KRT25: variants seen among roughly 807,000 people sequenced by gnomAD.
KRT25 encodes the protein keratin 25.
A neutral mutation model predicts 47.6 loss-of-function variants in KRT25; 37 were observed. That is an observed-to-expected ratio of 0.78 (90% confidence interval 0.60 to 1.02). The LOEUF is 1.02. Among genes scored for constraint, KRT25 ranks in the 50% least tolerant of loss-of-function variants. KRT25 has a pLI of 0.00. For synonymous variants in KRT25, 203 were observed against 210.2 expected (o/e 0.97, Z 0.30); for missense variants, 542 against 550.3 (o/e 0.98, Z 0.15).
In KRT25 at chr17:40,753,909, T is replaced by C. The variant is rs1439221621; in HGVS notation, c.620A>G (p.Tyr207Cys). 2 of 1,614,050 alleles carry C rather than the reference T, an allele frequency of 1.2e-6. No individual in the cohort carries two copies. Among genetic ancestry groups the C allele is most frequent in the South Asian group, 1.1e-5 (1 of 91,070 alleles). ...TLCRTDLEIQYETLSEEMTYL... is the reference protein window; with the variant it reads ...TLCRTDLEIQCETLSEEMTYL... ...AGTCATCTCCTCACTCAGGGTTTCA[T>C]ACTGAATCTCCAGATCTGTTCTGCA... The change falls in exon 3 of 8, where the codon TAT becomes TGT. Residue 207 changes from tyrosine to cysteine, a missense_variant. Transcript: ENST00000312150.
At position 40,751,316 on chromosome 17, in the gene KRT25, A is replaced by T; in HGVS notation, c.680T>A (p.Val227Asp). Residue 227 changes from valine (V) to aspartate (D), a missense_variant, in exon 4 of 8, where the codon GTT (valine) becomes GAT (aspartate). Transcript: ENST00000312150. ...LKKNHKEEMQ[V>D]LQCAAGGNVN... The stretch of plus-strand genomic sequence containing the variant: ...GTTGCCTCCAGCTGCGCACTGCAGA[A>T]CTTGCATTTCCTAGAGGCAGAAAAG... The T allele has an allele frequency of 6.2e-7, 1 of 1,610,414 alleles. No homozygotes were observed. Among genetic ancestry groups the T allele is most frequent in the Non-Finnish European group, 8.5e-7 (1 of 1,178,510 alleles).
At chr17:40,751,707 C>T (rs2038049782) in intron 3 of KRT25, among the ~76,000 whole-genome samples, 1 of 152,146 alleles carries the variant, frequency 6.6e-6, no homozygotes, top group Non-Finnish European at 1.5e-5. Context: ...TTATTCTATT[C>T]TCGGCCTTTG....
chr17:40,749,138 C>T (rs1311417850), intron 7 of KRT25, 120 bp downstream of exon 7: 3 of 737,480 alleles, frequency 4.1e-6, no homozygotes, highest in Non-Finnish European at 2.3e-6. Flanking sequence ...ATAATATGCA[C>T]AACAAACCTC....
chr17:40,754,877 C>A lies in KRT25; in HGVS notation c.395G>T (p.Arg132Ile). The A allele has an allele frequency of 1.2e-6, 2 of 1,613,946 alleles. No individual in the cohort carries two copies. The highest frequency in any genetic ancestry group is 1.7e-6 in the Non-Finnish European group (2 of 1,179,946). Residue 132 changes from arginine to isoleucine, a missense_variant, in exon 1 of 8, where the codon AGA (arginine) becomes ATA (isoleucine). Arg to Ile is a moderately conservative substitution (Grantham distance 97). Transcript: ENST00000312150. Reference protein sequence around the residue: ...SCRGLDHDYSRYFPIIDDLKN... With the variant: ...SCRGLDHDYSIYFPIIDDLKN... ...AAGGTCATCAATTATTGGGAAATATCTGCTATAGTCATGATCAAGACCACG... is the reference window on the plus strand; with the variant it reads ...AAGGTCATCAATTATTGGGAAATATATGCTATAGTCATGATCAAGACCACG...
chr17:40,751,186 C>A lies in KRT25; in HGVS notation c.810G>T (p.Ala270=). The A allele has an allele frequency of 6.2e-7, 1 of 1,614,110 alleles. No individual in the cohort carries two copies. Among genetic ancestry groups the A allele is most frequent in the Non-Finnish European group, 8.5e-7 (1 of 1,179,986 alleles). The change falls in exon 4 of 8, where the codon GCG becomes GCT. Residue 270 remains alanine, a synonymous_variant. Transcript: ENST00000312150. ...TCACCTTCTCGTTGAACCAGGCCTCCGCGTCCCTGCGGTTCTGCTCTGCAA... is the reference window on the plus strand; with the variant it reads ...TCACCTTCTCGTTGAACCAGGCCTCAGCGTCCCTGCGGTTCTGCTCTGCAA... The part of the protein sequence containing the change: ...EALAEQNRRD[A]EAWFNEKSAS...
In KRT25 at chr17:40,750,602, C is replaced by G; in HGVS notation, c.958-5G>C. On this transcript the variant is annotated splice_region_variant and splice_polypyrimidine_tract_variant and intron_variant, in intron 5 of 7. Transcript: ENST00000312150. The stretch of plus-strand genomic sequence containing the variant: ...GGAGCACTCCAGGGAGTGTTTCTGT[C>G]AGGAAGCAATAAAGAGAACTTGAAA... The G allele has an allele frequency of 6.2e-7, 1 of 1,614,020 alleles. No homozygotes were observed. The highest frequency in any genetic ancestry group is 8.5e-7 in the Non-Finnish European group (1 of 1,179,906).
In KRT25 at chr17:40,751,254, G is replaced by C; in HGVS notation, c.742C>G (p.Leu248Val). ...CGCATGTTGTTCAGCAGAACTGTGA[G>C]GTCCACCCCGGGGGCTGCGTTCATC... ...VEMNAAPGVD[L>V]TVLLNNMRAE... Residue 248 changes from leucine to valine, a missense_variant, in exon 4 of 8, where the codon CTC becomes GTC. Coordinates refer to ENST00000312150, the MANE Select transcript of KRT25 (RefSeq NM_181534.4). The C allele has an allele frequency of 6.2e-7, 1 of 1,614,220 alleles. No individual in the cohort carries two copies. Among genetic ancestry groups the C allele is most frequent in the Non-Finnish European group, 8.5e-7 (1 of 1,180,034 alleles).
Position 40,754,946 on chromosome 17 carries a change from T to C in KRT25, c.326A>G (p.Gln109Arg). ...ALEEANADLE[Q>R]KIKGWYEKFG... ...TTTCTCATACCAGCCCTTGATCTTC[T>C]GCTCCAGGTCAGCGTTGGCCTCCTC... Residue 109 changes from glutamine (Q) to arginine (R), a missense_variant, in exon 1 of 8, where the codon CAG becomes CGG. By Grantham distance (43) the Gln-to-Arg change is conservative (BLOSUM62 1). Transcript: ENST00000312150. 1.2e-6 allele frequency: 2 copies of C among 1,614,084 alleles called. No individual in the cohort carries two copies. The highest frequency in any genetic ancestry group is 2.2e-5 in the East Asian group (1 of 44,892).
chr17:40,753,736 C>T (rs1231544839), intron 3 of KRT25, 124 bp downstream of exon 3: 1 of 305,180 alleles, frequency 3.3e-6, no homozygotes, highest in South Asian at 4.0e-5. Flanking sequence ...CAGCTCAGCC[C>T]TCATGTCTGT....
chr17:40,754,795 T>C (rs763336004), intron 1 of KRT25, 48 bp downstream of exon 1: 1 of 1,444,196 alleles, frequency 6.9e-7, no homozygotes, highest in Non-Finnish European at 9.3e-7. Context: ...GAAAACAAAA[T>C]TTAGAAATAA....
At chr17:40,753,027 T>C (rs952236690) in intron 3 of KRT25, among the ~76,000 whole-genome samples, 1 of 152,212 alleles carries the variant, frequency 6.6e-6, no homozygotes, top group Non-Finnish European at 1.5e-5. Flanking sequence ...GTGTAAATTC[T>C]GGTATAATAG....
rs780911170 is a variant in KRT25 at position 40,755,097 on chromosome 17, CT to C, written c.174del (p.Gly60GlufsTer10). 2 of 1,614,058 alleles carry C rather than the reference CT, an allele frequency of 1.2e-6. No individual in the cohort carries two copies. The highest frequency in any genetic ancestry group is 1.7e-6 in the Non-Finnish European group (2 of 1,180,006). On this transcript the variant is annotated frameshift_variant, in exon 1 of 8. Transcript: ENST00000312150. LOFTEE classifies it high-confidence loss of function. ...AFGGSSSGGN[T>X]GGGNPCAGFT... ...AAGCCAGCACAGGGATTACCTCCCC[CT>C]GTGTTTCCTCCCGATGAGCTGCCTC... is the stretch of plus-strand genomic sequence containing the variant.
intron 6 of KRT25, among the ~76,000 whole-genome samples, chr17:40,749,659 C>T (rs758001587): frequency 6.6e-6 from 1 of 152,120 alleles, no homozygotes; most frequent in African/African-American, 2.4e-5. Flanking sequence ...TGAATTGTGA[C>T]AAATTTATAT....
In KRT25 at chr17:40,750,483, C is replaced by T. The variant is rs771878517; in HGVS notation, c.1072G>A (p.Glu358Lys). The T allele has an allele frequency of 2.5e-6, 4 of 1,614,120 alleles. No homozygotes were observed. The highest frequency in any genetic ancestry group is 2.7e-5 in the African/African-American group (2 of 75,034). The change falls in exon 6 of 8, where the codon GAG (glutamate) becomes AAG (lysine). Residue 358 changes from glutamate to lysine, a missense_variant. Coordinates refer to ENST00000312150, the MANE Select transcript of KRT25 (RefSeq NM_181534.4). ...LEEQLHQVRT[E>K]TEGQKLEYEQ... is the part of the protein sequence containing the mutation. The stretch of plus-strand genomic sequence containing the variant: ...TACTCCAGCTTCTGGCCCTCGGTCT[C>T]GGTTCTGACCTGGTGCAGCTGCTCC...
chr17:40,753,824 C>T (rs370817913), intron 3 of KRT25, 36 bp downstream of exon 3: 76 of 1,523,928 alleles, frequency 5.0e-5, no homozygotes, highest in Middle Eastern at 1.8e-4. Context: ...ACAGTGTCTG[C>T]GGAGGGATAG....
In KRT25 at chr17:40,753,896, A is replaced by T. The variant is rs920579512; in HGVS notation, c.633T>A (p.Ser211Arg). 6.2e-7 allele frequency: 1 copy of T among 1,613,760 alleles called. No homozygotes were observed. Among genetic ancestry groups the T allele is most frequent in the African/African-American group, 1.3e-5 (1 of 74,840 alleles). ...TDLEIQYETL[S>R]EEMTYLKKNH... ...TCTTTTTGAGGTAAGTCATCTCCTC[A>T]CTCAGGGTTTCATACTGAATCTCCA... The change falls in exon 3 of 8, where the codon AGT becomes AGA. Residue 211 changes from serine to arginine, a missense_variant. Ser to Arg is a moderately radical substitution (Grantham distance 110). Coordinates refer to ENST00000312150, the MANE Select transcript of KRT25 (RefSeq NM_181534.4).
chr17:40,748,096 A>G lies in KRT25; in HGVS notation c.*181T>C. 1 of 474,636 alleles carries G rather than the reference A, an allele frequency of 2.1e-6. No homozygotes were observed. The highest frequency in any genetic ancestry group is 3.7e-6 in the Non-Finnish European group (1 of 270,770). The allele number at this position is 474,636 out of a possible 1,614,324, so 29.4% of individuals were successfully genotyped here. A position where few individuals can be genotyped will look rare whatever the true frequency, so the allele number is the denominator to read the frequency against. On this transcript the variant is annotated 3_prime_UTR_variant, in exon 8 of 8. Transcript: ENST00000312150. The stretch of plus-strand genomic sequence containing the variant: ...TCTGTAGGATAATCAAATGAGTCAT[A>G]TTTGTGTGTGGCATTCTTCTAGATG...
At position 40,751,316 on chromosome 17, in the gene KRT25, A is replaced by C. The variant is rs2038045546; in HGVS notation, c.680T>G (p.Val227Gly). 6.2e-7 allele frequency: 1 copy of C among 1,610,414 alleles called. No individual in the cohort carries two copies. The highest frequency in any genetic ancestry group is 8.5e-7 in the Non-Finnish European group (1 of 1,178,510). Residue 227 changes from valine to glycine, a missense_variant, in exon 4 of 8, where the codon GTT becomes GGT. Physicochemically the swap from Val to Gly is moderately radical, Grantham distance 109. Transcript: ENST00000312150. Reference sequence around the variant, plus strand: ...GTTGCCTCCAGCTGCGCACTGCAGAACTTGCATTTCCTAGAGGCAGAAAAG... The same window carrying C: ...GTTGCCTCCAGCTGCGCACTGCAGACCTTGCATTTCCTAGAGGCAGAAAAG... The part of the protein sequence containing the change: ...LKKNHKEEMQ[V>G]LQCAAGGNVN...
chr17:40,755,013 T>A lies in KRT25; in HGVS notation c.259A>T (p.Asn87Tyr). 1 of 1,614,158 alleles carries A rather than the reference T, an allele frequency of 6.2e-7. No homozygotes were observed. Among genetic ancestry groups the A allele is most frequent in the Non-Finnish European group, 8.5e-7 (1 of 1,180,042 alleles). Residue 87 changes from asparagine (N) to tyrosine (Y), a missense_variant, in exon 1 of 8, where the codon AAT (asparagine) becomes TAT (tyrosine). Asn to Tyr is a moderately radical substitution (Grantham distance 143, BLOSUM62 -2). Transcript: ENST00000312150. ...GNEKVTMQNL[N>Y]DRLASYLDSV... ...TCCAGGTAGGATGCCAGGCGGTCAT[T>A]GAGGTTCTGCATGGTCACCTTCTCA... is the stretch of plus-strand genomic sequence containing the variant.
Sources: allele counts gnomAD v4.1 joint callset (sites outside exome capture counted in the v4.1 genomes callset), GRCh38; gene constraint gnomAD v4.1.1; transcripts MANE v1.5; gene names NCBI Gene and HGNC (gene_info 2026-07-23, HGNC 2026-07-21).